Variants in EFNA5 observed in about 807,000 individuals in gnomAD.
EFNA5 encodes ephrin A5, also known as ephrin-A5.
In EFNA5, 5 loss-of-function variants were observed where a neutral mutation model predicts 22.9. That is an observed-to-expected ratio of 0.22 (90% CI 0.11 to 0.46). EFNA5 has a LOEUF of 0.46. Among genes scored for constraint, EFNA5 ranks in the 20% least tolerant of loss-of-function variants. The pLI is 0.99. For synonymous variants in EFNA5, 113 were observed against 112.2 expected (o/e 1.01, Z -0.04); for missense variants, 237 against 293.3 (o/e 0.81, Z 1.40).
intron 1 of EFNA5, among the ~76,000 whole-genome samples, chr5:107,633,313 G>C (rs1055052364): frequency 2.0e-5 from 3 of 152,196 alleles, no homozygotes; most frequent in African/African-American, 7.2e-5. Context: ...CATGCAATTA[G>C]GCTGTAAAAA....
intron 1 of EFNA5, among the ~76,000 whole-genome samples, chr5:107,517,055 G>A (rs62355605): frequency 0.06 from 9,042 of 151,602 alleles, 313 homozygotes; most frequent in African/African-American, 0.074. Flanking sequence ...AAATTATATC[G>A]TGATGACTGG....
At chr5:107,561,239 G>C (rs1364757598) in intron 1 of EFNA5, among the ~76,000 whole-genome samples, 1 of 151,988 alleles carries the variant, frequency 6.6e-6, no homozygotes, top group Admixed American at 6.6e-5. Context: ...GTCTTTACAG[G>C]GTCATTAGTA....
chr5:107,399,614 A>T (rs1321168655), intron 2 of EFNA5, among the ~76,000 whole-genome samples: 1 of 152,166 alleles, frequency 6.6e-6, no homozygotes, highest in African/African-American at 2.4e-5. Flanking sequence ...AATCATGATC[A>T]CAGGTAAGGG....
chr5:107,478,027 CT>C (rs1750358309), intron 1 of EFNA5, among the ~76,000 whole-genome samples: 1 of 151,864 alleles, frequency 6.6e-6, no homozygotes, highest in South Asian at 2.1e-4. Flanking sequence ...TTTTTAAACC[CT>C]AGGAAGGAAA....
chr5:107,619,154 T>C (rs1749985352), intron 1 of EFNA5, among the ~76,000 whole-genome samples: 1 of 151,982 alleles, frequency 6.6e-6, no homozygotes. Context: ...GTCTATCTCC[T>C]GACCTCGTGA....
At chr5:107,627,242 T>TG (rs1460036949) in intron 1 of EFNA5, among the ~76,000 whole-genome samples, 3 of 152,138 alleles carry the variant, frequency 2.0e-5, no homozygotes, top group Non-Finnish European at 4.4e-5. Context: ...TCCCAACAAA[T>TG]GGGGATGAAA....
chr5:107,518,204 C>T (rs937626425), intron 1 of EFNA5, among the ~76,000 whole-genome samples: 5 of 151,704 alleles, frequency 3.3e-5, no homozygotes, highest in African/African-American at 9.7e-5. Context: ...AAGCAGAGGC[C>T]CACTTGATGC....
At chr5:107,629,844 G>A (rs1035809676) in intron 1 of EFNA5, among the ~76,000 whole-genome samples, 4 of 151,978 alleles carry the variant, frequency 2.6e-5, no homozygotes, top group Admixed American at 6.6e-5. Context: ...ATCATTTGAG[G>A]TAAGGAGTTT....
chr5:107,637,315 T>G (rs1750393297), intron 1 of EFNA5, among the ~76,000 whole-genome samples: 1 of 152,178 alleles, frequency 6.6e-6, no homozygotes, highest in Non-Finnish European at 1.5e-5. Flanking sequence ...GTCATTTCAA[T>G]CTATAATATT....
intron 2 of EFNA5, among the ~76,000 whole-genome samples, chr5:107,425,633 T>C (rs909887000): frequency 3.0e-4 from 45 of 152,328 alleles, no homozygotes; most frequent in African/African-American, 9.6e-4. Context: ...AAATGTGAGA[T>C]AGTATCAAGG....
chr5:107,553,269 G>T (rs1222579714), intron 1 of EFNA5, among the ~76,000 whole-genome samples: 2 of 152,214 alleles, frequency 1.3e-5, no homozygotes, highest in Non-Finnish European at 2.9e-5. Flanking sequence ...TGCCTGCTCT[G>T]CAATCCCCAG....
At chr5:107,457,268 G>A (rs1214982667) in intron 1 of EFNA5, among the ~76,000 whole-genome samples, 3 of 152,094 alleles carry the variant, frequency 2.0e-5, no homozygotes, top group African/African-American at 4.8e-5. Context: ...AAGAAAGTTC[G>A]TGTTAATACT....
chr5:107,426,749 T>C (rs891113613), intron 2 of EFNA5, among the ~76,000 whole-genome samples: 30 of 152,238 alleles, frequency 2.0e-4, no homozygotes, highest in Non-Finnish European at 1.0e-4. Flanking sequence ...TTCTCCTTGC[T>C]GCAAAGAGAG....
At chr5:107,509,876 C>A (rs1400529805) in intron 1 of EFNA5, among the ~76,000 whole-genome samples, 1 of 152,118 alleles carries the variant, frequency 6.6e-6, no homozygotes, top group African/African-American at 2.4e-5. Flanking sequence ...TGTTTAATGA[C>A]TGAATAATTC....
chr5:107,447,434 T>C (rs1749426582), intron 1 of EFNA5, among the ~76,000 whole-genome samples: 1 of 152,212 alleles, frequency 6.6e-6, no homozygotes, highest in Non-Finnish European at 1.5e-5. Context: ...TCAAGACAAG[T>C]ATATTGATAG....
chr5:107,484,452 G>T (rs533967907), intron 1 of EFNA5, among the ~76,000 whole-genome samples: 82 of 152,272 alleles, frequency 5.4e-4, no homozygotes, highest in African/African-American at 1.9e-3. Context: ...GATTTAAATG[G>T]ATCCATTGCA....
At chr5:107,395,577 G>T (rs1330791770) in intron 2 of EFNA5, among the ~76,000 whole-genome samples, 2 of 152,140 alleles carry the variant, frequency 1.3e-5, no homozygotes, top group South Asian at 4.1e-4. Flanking sequence ...TCTTTGAACA[G>T]TTAAGAAAAA....
chr5:107,617,342 A>C (rs1428352020), intron 1 of EFNA5, among the ~76,000 whole-genome samples: 1 of 152,048 alleles, frequency 6.6e-6, no homozygotes, highest in Non-Finnish European at 1.5e-5. Context: ...TTAACCATTA[A>C]TTCTAGGAAC....
At chr5:107,646,453 G>C (rs1156398876) in intron 1 of EFNA5, among the ~76,000 whole-genome samples, 1 of 152,044 alleles carries the variant, frequency 6.6e-6, no homozygotes, top group African/African-American at 2.4e-5. Context: ...GCACTATGTT[G>C]ACTACTGTAA....
Sources: gnomAD v4.1 joint callset for allele counts (sites outside exome capture counted in the v4.1 genomes callset) on GRCh38, gnomAD v4.1.1 for gene constraint, MANE v1.5 for transcripts, NCBI Gene and HGNC (gene_info 2026-07-23, HGNC 2026-07-21) for gene names.